Variants in RAD54B observed in about 807,000 individuals in gnomAD.
RAD54B encodes DNA repair and recombination protein RAD54B.
Under a neutral mutation model 95.8 loss-of-function variants are expected in RAD54B, and 78 were observed. That is an observed-to-expected ratio of 0.81 (90% CI 0.68 to 0.98). The LOEUF is 0.98. Among genes scored for constraint, RAD54B ranks in the 50% least tolerant of loss-of-function variants. RAD54B has a pLI of 0.00. For missense variants in RAD54B, 957 were observed against 1,056.6 expected, an observed-to-expected ratio of 0.91 and a Z score of 1.31; for synonymous variants, 328 against 354.9, an observed-to-expected ratio of 0.92 and a Z score of 0.85.
At chr8:94,406,229 T>C (rs1811386796) in intron 5 of RAD54B, among the ~76,000 whole-genome samples, 1 of 152,172 alleles carries the variant, frequency 6.6e-6, no homozygotes, top group Non-Finnish European at 1.5e-5. Context: ...GGAAGGTTAG[T>C]GACTACCCCC....
intron 3 of RAD54B, among the ~76,000 whole-genome samples, chr8:94,437,920 C>T (rs1447641139): frequency 6.6e-6 from 1 of 152,094 alleles, no homozygotes; most frequent in African/African-American, 2.4e-5. Flanking sequence ...CAAGACAAAC[C>T]TATTTTCTCA....
chr8:94,430,327 A>G (rs1006938078), intron 3 of RAD54B: 2 of 947,120 alleles, frequency 2.1e-6, no homozygotes, highest in East Asian at 2.4e-4. Flanking sequence ...AAAAAAAAAA[A>G]GTATTTAATG....
At chr8:94,447,825 T>C (rs2130151729) in intron 3 of RAD54B, among the ~76,000 whole-genome samples, 1 of 152,252 alleles carries the variant, frequency 6.6e-6, no homozygotes, top group East Asian at 1.9e-4. Flanking sequence ...AGTCTAAGAA[T>C]GCAACCCATC....
At chr8:94,433,773 G>A (rs1812184961) in intron 3 of RAD54B, among the ~76,000 whole-genome samples, 1 of 151,448 alleles carries the variant, frequency 6.6e-6, no homozygotes, top group Non-Finnish European at 1.5e-5. Context: ...CATTGAACAT[G>A]AATGGAAATA....
intron 3 of RAD54B, among the ~76,000 whole-genome samples, chr8:94,427,180 A>C (rs1198588012): frequency 1.3e-5 from 2 of 152,110 alleles, no homozygotes; most frequent in African/African-American, 4.8e-5. Context: ...AGCAAAGTGG[A>C]ATTATAATGA....
intron 9 of RAD54B, among the ~76,000 whole-genome samples, chr8:94,392,607 A>AT (rs890110265): frequency 2.0e-5 from 3 of 146,698 alleles, no homozygotes; most frequent in Non-Finnish European, 4.5e-5. Context: ...ATTTCGTTTT[A>AT]TTTTTTTGAA....
intron 3 of RAD54B, chr8:94,436,457 C>A: frequency 6.7e-7 from 1 of 1,489,822 alleles, no homozygotes; most frequent in Non-Finnish European, 8.9e-7. Flanking sequence ...AGATAGGAGG[C>A]GCCATAATTT....
At chr8:94,417,191 TAC>T (rs1390961282) in intron 3 of RAD54B, among the ~76,000 whole-genome samples, 3 of 152,132 alleles carry the variant, frequency 2.0e-5, no homozygotes, top group Non-Finnish European at 4.4e-5. Flanking sequence ...AGCAAAATCT[TAC>T]AGAGACAGAA....
At position 94,400,135 on chromosome 8, in the gene RAD54B, T is replaced by G. The variant is rs548828982; in HGVS notation, c.1170+103A>C. On this transcript the variant is annotated intron_variant, in intron 7 of 14. Transcript: ENST00000336148. Reference sequence around the variant, plus strand: ...CCAAAATGTAAGCTAAAACTCCATTTTTGTGCAAAAGGGTTAGGGAGTTAA... The same window carrying G: ...CCAAAATGTAAGCTAAAACTCCATTGTTGTGCAAAAGGGTTAGGGAGTTAA... The G allele has an allele frequency of 1.1e-5, 11 of 1,000,178 alleles. No individual in the cohort carries two copies. In the South Asian group the frequency reaches 1.8e-4, roughly 17 times the overall value. 62.0% of individuals were successfully genotyped at this position (1,000,178 alleles called of 1,614,324 possible). A position where few individuals can be genotyped will look rare whatever the true frequency, so the allele number is the denominator to read the frequency against.
chr8:94,390,408 G>A (rs574243112), intron 10 of RAD54B, among the ~76,000 whole-genome samples: 4 of 151,532 alleles, frequency 2.6e-5, no homozygotes, highest in African/African-American at 7.2e-5. Context: ...GCTGAGGCAG[G>A]AGAATCGCTT....
intron 3 of RAD54B, among the ~76,000 whole-genome samples, chr8:94,434,119 G>C (rs1170148467): frequency 6.6e-6 from 1 of 151,778 alleles, no homozygotes; most frequent in East Asian, 1.9e-4. Context: ...AGCAAGCTCT[G>C]CTTCTATTAA....
intron 3 of RAD54B, among the ~76,000 whole-genome samples, chr8:94,455,674 C>T (rs1054361370): frequency 3.9e-5 from 6 of 152,258 alleles, no homozygotes; most frequent in Non-Finnish European, 5.9e-5. Flanking sequence ...AACCAGAAGT[C>T]CAAAATCAAG....
intron 3 of RAD54B, among the ~76,000 whole-genome samples, chr8:94,426,424 A>C (rs1446075935): frequency 1.3e-5 from 2 of 152,208 alleles, no homozygotes; most frequent in East Asian, 1.9e-4. Context: ...TAGAATCTTT[A>C]TACATAATAG....
intron 1 of RAD54B, among the ~76,000 whole-genome samples, chr8:94,470,840 T>C (rs553096975): frequency 1.3e-5 from 2 of 152,032 alleles, no homozygotes; most frequent in Non-Finnish European, 2.9e-5. Flanking sequence ...ATGTCTATAA[T>C]GAAGTACAAG....
chr8:94,427,408 C>CTAA (rs1276940123), intron 3 of RAD54B, among the ~76,000 whole-genome samples: 26 of 152,050 alleles, frequency 1.7e-4, no homozygotes, highest in African/African-American at 6.0e-4. Context: ...TTTTGCTTGA[C>CTAA]TGTTAATGTT....
intron 4 of RAD54B, among the ~76,000 whole-genome samples, chr8:94,410,600 C>T (rs1811505231): frequency 6.6e-6 from 1 of 152,162 alleles, no homozygotes; most frequent in African/African-American, 2.4e-5. Context: ...ACTTGTATTA[C>T]TACAAATTAT....
rs1341463936 is a variant in RAD54B at position 94,407,693 on chromosome 8, T to C, written c.527A>G (p.Glu176Gly). Reference protein sequence around the residue: ...RGIGYKFKELEKIEEGQTLMI... With the variant: ...RGIGYKFKELGKIEEGQTLMI... ...CAGTGTTTGGCCCTCTTCAATCTTT[T>C]CAAGCTCTTTGAATTTATAACCAAT... Residue 176 changes from glutamate (E) to glycine (G), a missense_variant, in exon 5 of 15, where the codon GAA (glutamate) becomes GGA (glycine). Transcript: ENST00000336148. 6.2e-7 allele frequency: 1 copy of C among 1,612,758 alleles called. No individual in the cohort carries two copies. Among genetic ancestry groups the C allele is most frequent in the Non-Finnish European group, 8.5e-7 (1 of 1,179,090 alleles).
chr8:94,407,996 G>A (rs1394629697), intron 4 of RAD54B, among the ~76,000 whole-genome samples: 14 of 151,978 alleles, frequency 9.2e-5, no homozygotes, highest in Admixed American at 8.5e-4. Flanking sequence ...TCTCTTGTCC[G>A]GAAAAATTAA....
chr8:94,432,224 C>T, intron 3 of RAD54B: 1 of 1,550,392 alleles, frequency 6.4e-7, no homozygotes, highest in Non-Finnish European at 8.7e-7. Context: ...CTTCCTCTAG[C>T]TGCTGCCTTC....
Sources: allele counts gnomAD v4.1 joint callset (sites outside exome capture counted in the v4.1 genomes callset), GRCh38; gene constraint gnomAD v4.1.1; transcripts MANE v1.5; gene names NCBI Gene and HGNC (gene_info 2026-07-23, HGNC 2026-07-21).